CSMD3: variants seen among roughly 807,000 people sequenced by gnomAD.
The protein encoded by CSMD3 is CUB and sushi domain-containing protein 3.
CSMD3 carries 177 observed loss-of-function variants against 435.2 expected under a neutral mutation model. The ratio of observed to expected loss-of-function variants is 0.41; its 90% CI spans 0.36 to 0.46. The LOEUF (loss-of-function observed/expected upper bound fraction) is 0.46. Ranked by LOEUF, CSMD3 falls within the 20% of genes least tolerant of loss-of-function variation. The probability of loss-of-function intolerance (pLI) is 0.34; values close to 1 mark genes in which losing one functional copy is unlikely to be tolerated. For synonymous variants in CSMD3, 1,656 were observed against 1,520.5 expected, an observed-to-expected ratio of 1.09 and a Z score of -2.07; for missense variants, 4,265 against 4,504.6, an observed-to-expected ratio of 0.95 and a Z score of 1.52.
chr8:112,548,877 G>A (rs1225710547), intron 27 of CSMD3, among the ~76,000 whole-genome samples: 1 of 151,924 alleles, frequency 6.6e-6, no homozygotes, highest in Non-Finnish European at 1.5e-5. Context: ...ACTTATGAAG[G>A]CAGAGTTATT....
intron 1 of CSMD3, among the ~76,000 whole-genome samples, chr8:113,376,448 T>C (rs184003119): frequency 3.1e-4 from 47 of 152,276 alleles, no homozygotes; most frequent in African/African-American, 1.0e-3. Context: ...GTAGAAAATT[T>C]GTCATTTCAT....
At chr8:112,246,809 T>C (rs1814775828) in intron 64 of CSMD3, among the ~76,000 whole-genome samples, 1 of 152,160 alleles carries the variant, frequency 6.6e-6, no homozygotes, top group African/African-American at 2.4e-5. Context: ...AGAACAAAAT[T>C]GTGCCTTGTG....
chr8:112,780,838 C>T (rs1198564220), intron 13 of CSMD3, among the ~76,000 whole-genome samples: 1 of 151,810 alleles, frequency 6.6e-6, no homozygotes, highest in Admixed American at 6.6e-5. Flanking sequence ...AGCCCTACTA[C>T]CATAGGCGAA....
chr8:112,316,885 A>G (rs1299325435), intron 47 of CSMD3, among the ~76,000 whole-genome samples: 1 of 151,980 alleles, frequency 6.6e-6, no homozygotes, highest in African/African-American at 2.4e-5. Flanking sequence ...CTAGAGAAGA[A>G]GAGAGAAGAA....
intron 5 of CSMD3, among the ~76,000 whole-genome samples, chr8:113,074,292 C>T (rs1485493470): frequency 1.3e-5 from 2 of 151,652 alleles, no homozygotes; most frequent in East Asian, 1.9e-4. Flanking sequence ...TTATTAATTC[C>T]ATCTTCTTAA....
intron 59 of CSMD3, among the ~76,000 whole-genome samples, chr8:112,274,498 CT>C (rs2130510676): frequency 6.6e-6 from 1 of 152,100 alleles, no homozygotes; most frequent in South Asian, 2.1e-4. Flanking sequence ...AGAAATGTCT[CT>C]AGAGATATAG....
intron 13 of CSMD3, among the ~76,000 whole-genome samples, chr8:112,705,468 C>T (rs1024763322): frequency 2.2e-4 from 34 of 152,028 alleles, no homozygotes; most frequent in African/African-American, 8.2e-4. Context: ...CTGCTCTGGT[C>T]ACTTCTTTGG....
intron 13 of CSMD3, among the ~76,000 whole-genome samples, chr8:112,743,705 T>C (rs1158426671): frequency 6.6e-6 from 1 of 152,042 alleles, no homozygotes; most frequent in Non-Finnish European, 1.5e-5. Flanking sequence ...ATTTAAGATA[T>C]AAACTGGATT....
chr8:112,606,344 C>A (rs992832064), intron 22 of CSMD3, among the ~76,000 whole-genome samples: 1 of 152,076 alleles, frequency 6.6e-6, no homozygotes, highest in Middle Eastern at 3.2e-3. Context: ...CACCTAGAAT[C>A]CTGAAGTGGT....
chr8:113,223,256 T>C (rs2092990499), intron 3 of CSMD3, among the ~76,000 whole-genome samples: 2 of 150,666 alleles, frequency 1.3e-5, no homozygotes, highest in South Asian at 4.1e-4. Context: ...GATTTTATTG[T>C]TAGCTCAATG....
intron 5 of CSMD3, among the ~76,000 whole-genome samples, chr8:113,028,665 C>T (rs1056597612): frequency 3.3e-5 from 5 of 151,358 alleles, no homozygotes; most frequent in African/African-American, 1.2e-4. Context: ...AAGATCAAAC[C>T]AACCACCATA....
chr8:113,411,187 T>G (rs2094558462), intron 1 of CSMD3, among the ~76,000 whole-genome samples: 1 of 152,000 alleles, frequency 6.6e-6, no homozygotes, highest in Admixed American at 6.6e-5. Flanking sequence ...CAGGAAAATA[T>G]TATGTGAGCT....
At chr8:112,571,406 T>A (rs1829504233) in intron 24 of CSMD3, among the ~76,000 whole-genome samples, 2 of 152,098 alleles carry the variant, frequency 1.3e-5, no homozygotes, top group Admixed American at 1.3e-4. Flanking sequence ...GACAATAAAG[T>A]CAATGATCTT....
chr8:113,248,519 T>C (rs542641443), intron 3 of CSMD3, among the ~76,000 whole-genome samples: 2 of 125,882 alleles, frequency 1.6e-5, no homozygotes, highest in South Asian at 2.5e-4. Flanking sequence ...ATTTCCATAT[T>C]ATATATATAT....
intron 1 of CSMD3, among the ~76,000 whole-genome samples, chr8:113,378,438 A>T (rs140962476): frequency 0.026 from 3,885 of 150,624 alleles, 79 homozygotes; most frequent in Middle Eastern, 0.061. Context: ...TAAACATTTT[A>T]ATTATATATT....
At chr8:112,913,681 C>CCT (rs919809321) in intron 10 of CSMD3, among the ~76,000 whole-genome samples, 3 of 145,944 alleles carry the variant, frequency 2.1e-5, no homozygotes, top group Non-Finnish European at 3.0e-5. Flanking sequence ...TTTTTTTTCT[C>CCT]CTCTCTCTCT....
At chr8:113,423,900 C>A (rs1054907064) in intron 1 of CSMD3, among the ~76,000 whole-genome samples, 2 of 151,626 alleles carry the variant, frequency 1.3e-5, no homozygotes, top group African/African-American at 4.8e-5. Flanking sequence ...AATAGAAATT[C>A]ACATAGATAT....
chr8:112,370,368 G>C (rs1297045637), intron 38 of CSMD3, among the ~76,000 whole-genome samples: 2 of 152,152 alleles, frequency 1.3e-5, no homozygotes, highest in Non-Finnish European at 2.9e-5. Context: ...CTAAGCATTA[G>C]AACTGCAGAA....
intron 22 of CSMD3, among the ~76,000 whole-genome samples, chr8:112,610,392 A>T (rs1158637174): frequency 1.3e-5 from 2 of 151,922 alleles, no homozygotes; most frequent in Admixed American, 6.6e-5. Flanking sequence ...GAATGTATTG[A>T]TCTCTTTGGC....
Sources: allele counts gnomAD v4.1 joint callset (sites outside exome capture counted in the v4.1 genomes callset), GRCh38; gene constraint gnomAD v4.1.1; transcripts MANE v1.5; gene names NCBI Gene and HGNC (gene_info 2026-07-23, HGNC 2026-07-21).